The following CCDC33 variants were observed in gnomAD, a reference collection of about 807,000 sequenced individuals.
CCDC33 encodes coiled-coil domain-containing protein 33.
In CCDC33, 94 loss-of-function variants were observed where a neutral mutation model predicts 91.9. The ratio of observed to expected loss-of-function variants is 1.02; its 90% CI spans 0.87 to 1.21. CCDC33 has a LOEUF of 1.21. Among genes scored for constraint, CCDC33 ranks in the 50% most tolerant of loss-of-function variants. The pLI is 0.00. For synonymous variants in CCDC33, 396 were observed against 374.5 expected (o/e 1.06, Z -0.66); for missense variants, 940 against 935.5 (o/e 1.00, Z -0.06).
intron 2 of CCDC33, chr15:74,221,300 G>A (rs2074591430): frequency 3.1e-6 from 3 of 973,166 alleles, no homozygotes; most frequent in Admixed American, 1.5e-4. Flanking sequence ...AGAGCAGGAT[G>A]AGCAGGAATG....
intron 11 of CCDC33, among the ~76,000 whole-genome samples, chr15:74,310,643 C>T (rs995555838): frequency 2.6e-5 from 4 of 152,130 alleles, no homozygotes; most frequent in Middle Eastern, 3.2e-3. Context: ...CCGCCAGCAG[C>T]GAGAGTGCTG....
chr15:74,331,494 C>T (rs755318037), intron 15 of CCDC33, among the ~76,000 whole-genome samples, 198 bp downstream of exon 15: 38 of 152,294 alleles, frequency 2.5e-4, no homozygotes, highest in South Asian at 4.1e-4. Context: ...CCCCTGAGCT[C>T]CCTCCTTCCC....
At chr15:74,330,590 C>T in intron 12 of CCDC33, 73 bp from the exon 13 acceptor site, 1 of 1,289,480 alleles carries the variant, frequency 7.8e-7, no homozygotes, top group East Asian at 2.3e-5. Flanking sequence ...TATCTGCCTT[C>T]CTGCTACTGA....
Position 74,244,907 on chromosome 15 carries a change from C to G in CCDC33, c.185+759C>G, listed in dbSNP as rs2075471500. Among the ~76,000 whole-genome samples the G allele has an allele frequency of 6.6e-6, 1 of 152,176 alleles. No individual in the cohort carries two copies. Among genetic ancestry groups the G allele is most frequent in the African/African-American group, 2.4e-5 (1 of 41,442 alleles). On this transcript the variant is annotated intron_variant, in intron 2 of 18. Transcript: ENST00000398814. The surrounding 1 kb of genome is among the most constrained non-coding windows in gnomAD (Gnocchi z 4.2). Reference sequence around the variant, plus strand: ...CGGCGGGAGCCTTGGTGGCCTCCCACCAAGCCACCCTATACTTCCCCTCCC... The same window carrying G: ...CGGCGGGAGCCTTGGTGGCCTCCCAGCAAGCCACCCTATACTTCCCCTCCC...
upstream of CCDC33, among the ~76,000 whole-genome samples, chr15:74,233,942 A>G (rs2142212227): frequency 6.6e-6 from 1 of 152,312 alleles, no homozygotes; most frequent in South Asian, 2.1e-4. Context: ...AGGAAAGGCC[A>G]AGTCAGGAGG....
chr15:74,237,032 G>C (rs2075183537), intron 1 of CCDC33, among the ~76,000 whole-genome samples: 1 of 152,204 alleles, frequency 6.6e-6, no homozygotes, highest in Non-Finnish European at 1.5e-5. Flanking sequence ...CACACAGTCT[G>C]AGAGCCCACT....
intron 16 of CCDC33, chr15:74,333,428 C>T: frequency 1.2e-6 from 1 of 861,776 alleles, no homozygotes; most frequent in Non-Finnish European, 1.9e-6. Context: ...TTTGGAATCA[C>T]AGAATATTGG....
At position 74,262,521 on chromosome 15, in the gene CCDC33, C is replaced by A; in HGVS notation, c.267C>A (p.Ile89=). 2 of 1,614,014 alleles carry A rather than the reference C, an allele frequency of 1.2e-6. No homozygotes were observed. Among genetic ancestry groups the A allele is most frequent in the South Asian group, 1.1e-5 (1 of 91,056 alleles). ...SVTSEPTRAP[I]WGDTVNVEIQ... ...CCTCAGAGCCCACCAGAGCCCCTAT[C>A]TGGGGGGACACGGTGAATGTGGAGA... The change falls in exon 3 of 19, where the codon ATC becomes ATA. Residue 89 remains isoleucine (I), a synonymous_variant. Coordinates refer to ENST00000398814, the MANE Select transcript of CCDC33 (RefSeq NM_025055.5).
At chr15:74,268,689 C>T (rs2076237395) in intron 5 of CCDC33, among the ~76,000 whole-genome samples, 1 of 152,248 alleles carries the variant, frequency 6.6e-6, no homozygotes, top group African/African-American at 2.4e-5. Flanking sequence ...TTCTCCTTCC[C>T]TCTCTGTCTT....
chr15:74,307,091 G>T (rs1372565493), intron 11 of CCDC33, among the ~76,000 whole-genome samples: 1 of 152,168 alleles, frequency 6.6e-6, no homozygotes, highest in Admixed American at 6.5e-5. Flanking sequence ...TAATTAAATG[G>T]TGGGTGGGCG....
intron 11 of CCDC33, among the ~76,000 whole-genome samples, chr15:74,308,518 G>A (rs2059933924): frequency 6.6e-6 from 1 of 152,242 alleles, no homozygotes; most frequent in Admixed American, 6.5e-5. Flanking sequence ...GCGGAGTCGA[G>A]GGGGCGGGGA....
intron 2 of CCDC33, among the ~76,000 whole-genome samples, chr15:74,228,245 G>T (rs1010070737): frequency 6.6e-6 from 1 of 152,188 alleles, no homozygotes; most frequent in Non-Finnish European, 1.5e-5. Context: ...AGGCAGAGAG[G>T]AGAGTAGTGA....
At chr15:74,253,849 A>T (rs1007935028) in intron 2 of CCDC33, among the ~76,000 whole-genome samples, 2 of 152,002 alleles carry the variant, frequency 1.3e-5, no homozygotes, top group African/African-American at 4.8e-5. Flanking sequence ...ATGGGTTGTC[A>T]ACCCTCTTCA....
At chr15:74,223,449 C>T (rs1475561492) in intron 2 of CCDC33, among the ~76,000 whole-genome samples, 1 of 152,132 alleles carries the variant, frequency 6.6e-6, no homozygotes, top group Non-Finnish European at 1.5e-5. Context: ...GACTGGAGGC[C>T]AGTCAGCTCC....
At chr15:74,234,044 C>G (rs928777863), upstream of CCDC33, among the ~76,000 whole-genome samples, 13 of 152,174 alleles carry the variant, frequency 8.5e-5, no homozygotes, top group African/African-American at 3.1e-4. Flanking sequence ...CTCCAGGCCC[C>G]AGACATGGCA....
At chr15:74,250,018 C>G (rs2075655725) in intron 2 of CCDC33, among the ~76,000 whole-genome samples, 1 of 152,180 alleles carries the variant, frequency 6.6e-6, no homozygotes, top group Admixed American at 6.5e-5. Context: ...CTTTCTCTAG[C>G]CTGTACTCTT....
chr15:74,206,048 C>G (rs1025701158), intron 1 of CCDC33, among the ~76,000 whole-genome samples: 4 of 152,226 alleles, frequency 2.6e-5, no homozygotes, highest in African/African-American at 9.6e-5. Flanking sequence ...GAGTCTTTTC[C>G]TCTCTGTGGG....
intron 1 of CCDC33, among the ~76,000 whole-genome samples, chr15:74,217,740 T>G (rs768366156): frequency 3.4e-4 from 52 of 152,216 alleles, no homozygotes; most frequent in Admixed American, 2.0e-4. Context: ...GGGCAAATTC[T>G]GGGCCTTTGT....
chr15:74,265,575 A>G (rs2076144607), intron 3 of CCDC33, among the ~76,000 whole-genome samples: 3 of 152,216 alleles, frequency 2.0e-5, no homozygotes, highest in Admixed American at 2.0e-4. Flanking sequence ...AAGAACAGAG[A>G]TGATGATACC....
Sources: allele counts gnomAD v4.1 joint callset (sites outside exome capture counted in the v4.1 genomes callset), GRCh38; gene constraint gnomAD v4.1.1; non-coding constraint Gnocchi (gnomAD v3.1); transcripts MANE v1.5; gene names NCBI Gene and HGNC (gene_info 2026-07-23, HGNC 2026-07-21).